The following GALNTL6 variants were observed in gnomAD, a reference collection of about 807,000 sequenced individuals.
GALNTL6 encodes the protein polypeptide N-acetylgalactosaminyltransferase-like 6.
Under a neutral mutation model 73.7 loss-of-function variants are expected in GALNTL6, and 46 were observed. The observed-to-expected ratio is 0.62, with a 90% CI of 0.49 to 0.80. GALNTL6 has a LOEUF of 0.80. Ranked by LOEUF, GALNTL6 falls within the 30% of genes least tolerant of loss-of-function variation. The probability of loss-of-function intolerance (pLI) is 0.00; values close to 1 mark genes in which losing one functional copy is unlikely to be tolerated. For synonymous variants in GALNTL6, 259 were observed against 263.7 expected, an observed-to-expected ratio of 0.98 and a Z score of 0.17; for missense variants, 604 against 755.0, an observed-to-expected ratio of 0.80 and a Z score of 2.34.
intron 2 of GALNTL6, among the ~76,000 whole-genome samples, chr4:172,141,256 T>C (rs1219074829): frequency 1.3e-5 from 2 of 151,968 alleles, no homozygotes; most frequent in East Asian, 3.9e-4. Context: ...GATTTTTCCA[T>C]CAATTCGAAG....
intron 2 of GALNTL6, among the ~76,000 whole-genome samples, chr4:172,174,904 A>C (rs1734942700): frequency 6.6e-6 from 1 of 152,180 alleles, no homozygotes; most frequent in African/African-American, 2.4e-5. Context: ...CACATACATA[A>C]ATATTCTGTA....
At chr4:172,515,871 G>A (rs1167042587) in intron 5 of GALNTL6, among the ~76,000 whole-genome samples, 1 of 152,172 alleles carries the variant, frequency 6.6e-6, no homozygotes, top group African/African-American at 2.4e-5. Context: ...ATTGCAGTTA[G>A]ACTCAATTCA....
intron 4 of GALNTL6, among the ~76,000 whole-genome samples, chr4:172,344,585 GTC>G (rs567850407): frequency 1.7e-4 from 26 of 152,292 alleles, no homozygotes; most frequent in African/African-American, 6.0e-4. Flanking sequence ...ACACGATCCG[GTC>G]TTGTGATTAA....
intron 5 of GALNTL6, among the ~76,000 whole-genome samples, chr4:172,568,794 C>T (rs184180744): frequency 7.1e-6 from 1 of 140,420 alleles, no homozygotes; most frequent in East Asian, 2.1e-4. Context: ...CAAAGATGAA[C>T]ATCTACGTCA....
intron 12 of GALNTL6, among the ~76,000 whole-genome samples, chr4:173,030,493 G>T (rs1753411140): frequency 6.6e-6 from 1 of 152,146 alleles, no homozygotes; most frequent in African/African-American, 2.4e-5. Flanking sequence ...TAAAGAGAAA[G>T]TCTTTGTGAA....
intron 2 of GALNTL6, among the ~76,000 whole-genome samples, chr4:172,205,069 G>T (rs1395481275): frequency 6.6e-6 from 1 of 152,108 alleles, no homozygotes; most frequent in Non-Finnish European, 1.5e-5. Context: ...TGCATATTCA[G>T]CTAATTAAGA....
intron 12 of GALNTL6, among the ~76,000 whole-genome samples, chr4:173,033,351 C>T (rs1579807648): frequency 6.8e-6 from 1 of 147,910 alleles, no homozygotes; most frequent in African/African-American, 2.5e-5. Flanking sequence ...TGCAGGAAGA[C>T]CAATTTTCTC....
At chr4:172,422,008 A>G (rs1447435814) in intron 5 of GALNTL6, among the ~76,000 whole-genome samples, 3 of 152,086 alleles carry the variant, frequency 2.0e-5, no homozygotes, top group Non-Finnish European at 4.4e-5. Flanking sequence ...ATTGCTGTCT[A>G]CTTGTCAATT....
chr4:172,592,596 G>C (rs184291069), intron 5 of GALNTL6, among the ~76,000 whole-genome samples: 1 of 152,166 alleles, frequency 6.6e-6, no homozygotes, highest in East Asian at 1.9e-4. Context: ...GTTATTTTTA[G>C]CACTAAAGTT....
intron 7 of GALNTL6, among the ~76,000 whole-genome samples, chr4:172,844,359 A>G (rs1309774626): frequency 6.6e-6 from 1 of 152,172 alleles, no homozygotes; most frequent in African/African-American, 2.4e-5. Context: ...GACTGCTGTT[A>G]ATATCTTCAT....
At chr4:171,950,610 G>A (rs1320179691) in intron 2 of GALNTL6, among the ~76,000 whole-genome samples, 1 of 151,708 alleles carries the variant, frequency 6.6e-6, no homozygotes, top group African/African-American at 2.4e-5. Flanking sequence ...CTCCCGAGTA[G>A]CTGGGACTAC....
rs79374328 is a variant in GALNTL6 at position 172,286,058 on chromosome 4, A to G, written c.248-25556A>G. Among the ~76,000 whole-genome samples the G allele has an allele frequency of 8.6e-3, 1,315 of 152,308 alleles. 19 individuals are homozygous for G. Among genetic ancestry groups the G allele is most frequent in the African/African-American group, 0.03 (1,249 of 41,568 alleles). ...AAAGCATTGGAACCTTGGCTTCCTA[A>G]ATCCAAATTCAATACTTTTTTACTA... On this transcript the variant is annotated intron_variant, in intron 3 of 12. Transcript: ENST00000506823.
At chr4:171,848,488 C>T (rs1735433474) in intron 2 of GALNTL6, among the ~76,000 whole-genome samples, 1 of 152,156 alleles carries the variant, frequency 6.6e-6, no homozygotes, top group Non-Finnish European at 1.5e-5. Context: ...TTGACTTTTC[C>T]TCTCTATCTA....
At chr4:172,993,951 C>T (rs184993241) in intron 10 of GALNTL6, among the ~76,000 whole-genome samples, 116 of 152,220 alleles carry the variant, frequency 7.6e-4, no homozygotes, top group African/African-American at 2.6e-3. Flanking sequence ...AAAATATTGG[C>T]TTTTGACACC....
Position 172,617,243 on chromosome 4 carries a change from A to T in GALNTL6, c.554-192118A>T, listed in dbSNP as rs939847543. 7.9e-5 allele frequency among the ~76,000 whole-genome samples: 12 copies of T among 152,012 alleles called. No homozygotes were observed. The South Asian group carries it at 1.0e-3, about 13-fold the overall frequency. ...ACAGAAAAATATGGTGCATATTTTT[A>T]AAAATGAGAAGTTCTTTTGTAATAA... On this transcript the variant is annotated intron_variant, in intron 5 of 12. Transcript: ENST00000506823.
intron 8 of GALNTL6, among the ~76,000 whole-genome samples, chr4:172,904,375 T>C (rs759155974): frequency 1.3e-5 from 2 of 152,210 alleles, no homozygotes; most frequent in Non-Finnish European, 2.9e-5. Flanking sequence ...AGTCTAATAA[T>C]AGAGACAGGA....
At chr4:172,730,803 G>A (rs1229479633) in intron 5 of GALNTL6, among the ~76,000 whole-genome samples, 2 of 152,152 alleles carry the variant, frequency 1.3e-5, no homozygotes, top group Non-Finnish European at 2.9e-5. Flanking sequence ...GGATTGGGCT[G>A]GGCACAGTGG....
At chr4:172,869,370 T>C (rs1463651918) in intron 7 of GALNTL6, among the ~76,000 whole-genome samples, 2 of 152,146 alleles carry the variant, frequency 1.3e-5, no homozygotes, top group Non-Finnish European at 2.9e-5. Context: ...AATTTGCGTA[T>C]ATTTGATTTC....
At chr4:171,838,415 G>A (rs773963363) in intron 2 of GALNTL6, among the ~76,000 whole-genome samples, 5 of 151,982 alleles carry the variant, frequency 3.3e-5, no homozygotes, top group African/African-American at 4.8e-5. Context: ...GAGCCACCAC[G>A]CCCAGCCTCT....
Sources: gnomAD v4.1 joint callset for allele counts (sites outside exome capture counted in the v4.1 genomes callset) on GRCh38, gnomAD v4.1.1 for gene constraint, MANE v1.5 for transcripts, NCBI Gene and HGNC (gene_info 2026-07-23, HGNC 2026-07-21) for gene names.